Variants in CD2AP observed in about 807,000 individuals in gnomAD.
CD2AP encodes the protein CD2-associated protein.
CD2AP carries 46 observed loss-of-function variants against 85.1 expected under a neutral mutation model. The observed-to-expected ratio is 0.54, with a 90% CI of 0.43 to 0.69. The LOEUF is 0.69. CD2AP is among the 30% of genes least tolerant of loss of function. The probability of loss-of-function intolerance (pLI) is 0.00; values close to 1 mark genes in which losing one functional copy is unlikely to be tolerated. For synonymous variants in CD2AP, 255 were observed against 252.9 expected (o/e 1.01, Z -0.08); for missense variants, 769 against 729.5 (o/e 1.05, Z -0.62).
chr6:47,596,415 C>T (rs776516012), intron 12 of CD2AP, among the ~76,000 whole-genome samples: 46 of 152,202 alleles, frequency 3.0e-4, no homozygotes, highest in Middle Eastern at 3.4e-3. Context: ...CTTCCCACTC[C>T]CCTCCAACTC....
In CD2AP at chr6:47,501,824, A is replaced by G. The variant is rs1766005688; in HGVS notation, c.5-1456A>G. ...ATTAAAAATATGCTTATGTGATCCT[A>G]TAATCTAAAATCCTGTTATTAAAAG... On this transcript the variant is annotated intron_variant, in intron 1 of 17. Transcript: ENST00000359314. Among the ~76,000 whole-genome samples, 2 of 152,372 alleles carry G rather than the reference A, an allele frequency of 1.3e-5. 1 individual carries two copies. Among genetic ancestry groups the G allele is most frequent in the South Asian group, 4.1e-4 (2 of 4,830 alleles).
intron 1 of CD2AP, among the ~76,000 whole-genome samples, chr6:47,492,282 G>A (rs1765754998): frequency 6.6e-6 from 1 of 151,106 alleles, no homozygotes; most frequent in Non-Finnish European, 1.5e-5. Flanking sequence ...GTCTAGTGAG[G>A]AAAGTTCAAA....
intron 11 of CD2AP, among the ~76,000 whole-genome samples, chr6:47,588,426 T>C (rs931244116): frequency 2.0e-5 from 3 of 152,160 alleles, no homozygotes; most frequent in African/African-American, 7.2e-5. Flanking sequence ...TTATATAATA[T>C]GAAGGATTCT....
At chr6:47,484,543 T>A (rs1765520868) in intron 1 of CD2AP, among the ~76,000 whole-genome samples, 1 of 152,236 alleles carries the variant, frequency 6.6e-6, no homozygotes, top group South Asian at 2.1e-4. Flanking sequence ...CTATTCTAAA[T>A]TGATACTGGC....
chr6:47,595,737 A>G, intron 11 of CD2AP, 124 bp from the exon 12 acceptor site: 4 of 719,280 alleles, frequency 5.6e-6, no homozygotes, highest in Non-Finnish European at 9.7e-6. Flanking sequence ...ATGTATACAA[A>G]TACAGAGAAT....
At chr6:47,610,845 C>G (rs1030364775) in intron 16 of CD2AP, among the ~76,000 whole-genome samples, 9 of 150,380 alleles carry the variant, frequency 6.0e-5, no homozygotes, top group Admixed American at 6.0e-4. Context: ...TCTCCTGATT[C>G]GATTTTGTTG....
chr6:47,598,397 TG>T (rs919250755), intron 12 of CD2AP, among the ~76,000 whole-genome samples: 1 of 151,124 alleles, frequency 6.6e-6, no homozygotes, highest in African/African-American at 2.4e-5. Flanking sequence ...ATCCCACTAC[TG>T]GGTATCTACC....
intron 5 of CD2AP, among the ~76,000 whole-genome samples, chr6:47,559,776 T>C (rs1041757018): frequency 2.0e-5 from 3 of 152,146 alleles, no homozygotes; most frequent in Non-Finnish European, 2.9e-5. Flanking sequence ...TTCATGCAGC[T>C]TTTTCCCACC....
At chr6:47,508,086 A>G (rs887862557) in intron 2 of CD2AP, among the ~76,000 whole-genome samples, 7 of 152,234 alleles carry the variant, frequency 4.6e-5, no homozygotes, top group African/African-American at 9.6e-5. Context: ...TGAATATGCA[A>G]TGACTTCCAC....
intron 17 of CD2AP, 113 bp downstream of exon 17, chr6:47,612,649 G>A: frequency 1.4e-6 from 1 of 732,132 alleles, no homozygotes; most frequent in Non-Finnish European, 2.5e-6. Context: ...ACTTCAGTTG[G>A]ACATACACAC....
At chr6:47,605,627 T>C (rs943296668) in intron 13 of CD2AP, among the ~76,000 whole-genome samples, 4 of 152,030 alleles carry the variant, frequency 2.6e-5, no homozygotes, top group African/African-American at 9.7e-5. Context: ...TGTGCACATA[T>C]ATATACACAT....
intron 2 of CD2AP, among the ~76,000 whole-genome samples, chr6:47,513,663 T>C (rs551914223): frequency 1.9e-4 from 29 of 152,254 alleles, no homozygotes; most frequent in African/African-American, 7.0e-4. Context: ...AAGTATTACA[T>C]ATTTTTTGGA....
Position 47,624,705 on chromosome 6 carries a change from GTGTGTGTGTGTGTGTGTATATATATA to G in CD2AP, c.*480_*505del, listed in dbSNP as rs1561838522. 1 of 137,574 alleles carries G rather than the reference GTGTGTGTGTGTGTGTGTATATATATA, an allele frequency of 7.3e-6. No individual in the cohort carries two copies. Among genetic ancestry groups the G allele is most frequent in the Non-Finnish European group, 1.6e-5 (1 of 61,854 alleles). The allele number at this position is 137,574 out of a possible 1,614,324, so 8.5% of individuals were successfully genotyped here. ...TGTGTGTGTGTGTGTGTGTGTGTGT[GTGTGTGTGTGTGTGTGTATATATATA>G]TATATATTTTTACTTTTATCCTCTT... On this transcript the variant is annotated 3_prime_UTR_variant, in exon 18 of 18. Coordinates refer to ENST00000359314, the MANE Select transcript of CD2AP (RefSeq NM_012120.3).
intron 11 of CD2AP, among the ~76,000 whole-genome samples, chr6:47,589,433 C>T (rs1351349201): frequency 2.1e-5 from 3 of 145,020 alleles, no homozygotes; most frequent in Non-Finnish European, 4.7e-5. Context: ...CAAATATACA[C>T]ACATACACAC....
intron 5 of CD2AP, chr6:47,562,819 GC>G: frequency 8.7e-7 from 1 of 1,148,458 alleles, no homozygotes; most frequent in Non-Finnish European, 1.3e-6. Context: ...GTTGGTGGAG[GC>G]CCTTGGTGCT....
intron 16 of CD2AP, among the ~76,000 whole-genome samples, chr6:47,609,864 G>A (rs962601271): frequency 1.3e-5 from 2 of 152,108 alleles, no homozygotes; most frequent in Non-Finnish European, 2.9e-5. Flanking sequence ...TCTTCTGGTC[G>A]GATATGATTA....
At chr6:47,616,959 T>C (rs1186507303) in intron 17 of CD2AP, among the ~76,000 whole-genome samples, 8 of 152,034 alleles carry the variant, frequency 5.3e-5, no homozygotes, top group African/African-American at 1.7e-4. Context: ...TCTTCCTTCT[T>C]TTTTTACTTT....
In CD2AP at chr6:47,574,209, A is replaced by G. The variant is rs1038175950; in HGVS notation, c.687A>G (p.Thr229=). 6.9e-5 allele frequency: 111 copies of G among 1,613,988 alleles called. No homozygotes were observed. The highest frequency in any genetic ancestry group is 8.7e-5 in the Non-Finnish European group (103 of 1,179,988). ...AAGAAGGCTCTGTGAAACTTCGGAC[A>G]AGAACATCCAGTAGTGAAACAGAAG... ...IFKEGSVKLR[T]RTSSSETEEK... The change falls in exon 6 of 18, where the codon ACA becomes ACG. Residue 229 remains threonine (T), a synonymous_variant. Transcript: ENST00000359314.
Position 47,574,055 on chromosome 6 carries a change from T to A in CD2AP, c.542-9T>A. 2 of 1,613,392 alleles carry A rather than the reference T, an allele frequency of 1.2e-6. No individual in the cohort carries two copies. The highest frequency in any genetic ancestry group is 2.2e-5 in the East Asian group (1 of 44,840). On this transcript the variant is annotated splice_polypyrimidine_tract_variant and intron_variant, in intron 5 of 17. Transcript: ENST00000359314. ...GGTGTCATTCTTCAAAAACAAATTA[T>A]TGTTTCAGAAACTGTTTTGGCTGGG... is the stretch of plus-strand genomic sequence containing the variant.
Sources: gnomAD v4.1 joint callset for allele counts (sites outside exome capture counted in the v4.1 genomes callset) on GRCh38, gnomAD v4.1.1 for gene constraint, MANE v1.5 for transcripts, NCBI Gene and HGNC (gene_info 2026-07-23, HGNC 2026-07-21) for gene names.